Variants in TRAK2 observed in about 807,000 individuals in gnomAD.
TRAK2 encodes trafficking kinesin protein 2.
In TRAK2, 81 loss-of-function variants were observed where a neutral mutation model predicts 104.6. The observed-to-expected ratio is 0.77, with a 90% CI of 0.65 to 0.93. The LOEUF (loss-of-function observed/expected upper bound fraction) is 0.93, where lower values mean the gene tolerates loss of function less well. TRAK2 is among the 40% of genes least tolerant of loss of function. The pLI is 0.00. For synonymous variants in TRAK2, 406 were observed against 394.4 expected (o/e 1.03, Z -0.35); for missense variants, 1,002 against 1,089.0 (o/e 0.92, Z 1.12).
Position 201,399,418 on chromosome 2 carries a change from T to C in TRAK2, c.439A>G (p.Asn147Asp). The part of the protein sequence containing the change: ...LKRNHVLSEQ[N>D]ESLEEQLGQA... ...CCCAATTGCTCCTCCAGGGATTCGT[T>C]CTGCTCAGATAAGACATGGTTCCGC... Residue 147 changes from asparagine to aspartate, a missense_variant, in exon 5 of 16, where the codon AAC becomes GAC. Physicochemically the swap from Asn to Asp is conservative, Grantham distance 23. Transcript: ENST00000332624. The C allele has an allele frequency of 1.2e-6, 2 of 1,612,562 alleles. No individual in the cohort carries two copies. The highest frequency in any genetic ancestry group is 1.7e-6 in the Non-Finnish European group (2 of 1,178,860).
intron 2 of TRAK2, chr2:201,411,122 G>T: frequency 1.1e-6 from 1 of 890,336 alleles, no homozygotes; most frequent in Non-Finnish European, 1.8e-6. Flanking sequence ...AAGGTTTAGG[G>T]GTACTAACAG....
At chr2:201,411,155 A>G (rs1341766000) in intron 2 of TRAK2, 23 of 769,628 alleles carry the variant, frequency 3.0e-5, no homozygotes, top group Middle Eastern at 2.4e-4. Context: ...AAGATGACAT[A>G]TTATCCATCA....
At chr2:201,396,593 ATAAC>A (rs1389052838) in intron 7 of TRAK2, among the ~76,000 whole-genome samples, 2 of 152,164 alleles carry the variant, frequency 1.3e-5, no homozygotes, top group East Asian at 1.9e-4. Context: ...TAAGAGATTA[ATAAC>A]TAATAATAAA....
intron 12 of TRAK2, 185 bp from the exon 13 acceptor site, chr2:201,388,186 C>T (rs1319848764): frequency 9.3e-6 from 6 of 648,082 alleles, no homozygotes; most frequent in Non-Finnish European, 1.7e-5. Flanking sequence ...ATCATTTTTA[C>T]AGATCATTGC....
chr2:201,412,714 C>T (rs1951658850), intron 2 of TRAK2: 3 of 1,426,480 alleles, frequency 2.1e-6, no homozygotes, highest in East Asian at 4.6e-5. Context: ...TGATGATACA[C>T]AACAATCAAA....
chr2:201,388,151 A>C, intron 12 of TRAK2, 150 bp from the exon 13 acceptor site: 1 of 753,380 alleles, frequency 1.3e-6, no homozygotes, highest in Non-Finnish European at 2.3e-6. Flanking sequence ...ATAACAACAA[A>C]CCAAAATCAC....
rs1951729957 is a variant in TRAK2 at position 201,420,418 on chromosome 2, A to G, written c.90T>C (p.Thr30=). Residue 30 remains threonine (T), a splice_region_variant and synonymous_variant, in exon 2 of 16, where the codon ACT becomes ACC. Transcript: ENST00000332624. ...CAATATTTATTAAACTGGACTTACC[A>G]GTGATGCTCTCCGAGTCTCTGTGAT... is the stretch of plus-strand genomic sequence containing the variant. The part of the protein sequence containing the change: ...NSNHRDSESI[T]DVCSNEDLPE... 6.2e-7 allele frequency: 1 copy of G among 1,613,448 alleles called. No individual in the cohort carries two copies. Among genetic ancestry groups the G allele is most frequent in the Admixed American group, 1.7e-5 (1 of 60,012 alleles).
chr2:201,422,133 C>T (rs765405594), intron 1 of TRAK2, among the ~76,000 whole-genome samples: 7 of 150,346 alleles, frequency 4.7e-5, no homozygotes, highest in Non-Finnish European at 8.9e-5. Flanking sequence ...TTTAAATGCA[C>T]ACATGCTGTA....
intron 2 of TRAK2, chr2:201,410,597 C>A (rs1158500759): frequency 3.2e-6 from 4 of 1,262,012 alleles, no homozygotes; most frequent in Admixed American, 3.4e-5. Flanking sequence ...TTGGTCATAG[C>A]AGTTGGTGGC....
At chr2:201,428,649 C>A (rs930522804) in intron 1 of TRAK2, among the ~76,000 whole-genome samples, 1 of 152,190 alleles carries the variant, frequency 6.6e-6, no homozygotes, top group Non-Finnish European at 1.5e-5. Context: ...CTTGGCAATG[C>A]AGGCTCTTTT....
At position 201,380,824 on chromosome 2, in the gene TRAK2, G is replaced by A. The variant is rs781259113; in HGVS notation, c.2464C>T (p.Arg822Trp). Reference protein sequence around the residue: ...LQEMYGLRPSRNPPDVGQLKM... With the variant: ...LQEMYGLRPSWNPPDVGQLKM... ...AACTGGCCAACATCAGGAGGGTTCC[G>A]GGAGGGTCTCAAGCCATACATCTCC... Residue 822 changes from arginine to tryptophan, a missense_variant, in exon 16 of 16, where the codon CGG (arginine) becomes TGG (tryptophan). Physicochemically the swap from Arg to Trp is moderately radical, Grantham distance 101 (BLOSUM62 -3). Transcript: ENST00000332624. 1.2e-5 allele frequency: 20 copies of A among 1,613,926 alleles called. No homozygotes were observed. The highest frequency in any genetic ancestry group is 4.0e-5 in the African/African-American group (3 of 74,898).
At position 201,399,462 on chromosome 2, in the gene TRAK2, A is replaced by G; in HGVS notation, c.395T>C (p.Ile132Thr). The G allele has an allele frequency of 6.2e-7, 1 of 1,612,764 alleles. No homozygotes were observed. Among genetic ancestry groups the G allele is most frequent in the South Asian group, 1.1e-5 (1 of 90,954 alleles). The change falls in exon 5 of 16, where the codon ATT (isoleucine) becomes ACT (threonine). Residue 132 changes from isoleucine to threonine, a missense_variant. Physicochemically the swap from Ile to Thr is moderately conservative, Grantham distance 89. Coordinates refer to ENST00000332624, the MANE Select transcript of TRAK2 (RefSeq NM_015049.3). ...RDRDLELAAR[I>T]GQALLKRNHV... ...GTTCCGCTTTAAGAGAGCTTGTCCA[A>G]TTCGAGCAGCGAGTTCCAGATCACG...
chr2:201,408,076 A>G (rs1951612367), intron 2 of TRAK2, among the ~76,000 whole-genome samples: 1 of 152,150 alleles, frequency 6.6e-6, no homozygotes. Flanking sequence ...GCTTAAGAAC[A>G]CCAGAACTTA....
At chr2:201,400,582 A>T (rs1028068762) in intron 4 of TRAK2, among the ~76,000 whole-genome samples, 1 of 152,040 alleles carries the variant, frequency 6.6e-6, no homozygotes, top group African/African-American at 2.4e-5. Context: ...CACTATACAT[A>T]TTAAAAATGC....
At chr2:201,416,367 C>T (rs1278310635) in intron 2 of TRAK2, among the ~76,000 whole-genome samples, 3 of 151,916 alleles carry the variant, frequency 2.0e-5, no homozygotes, top group Admixed American at 2.0e-4. Flanking sequence ...GATCGTGTCA[C>T]TGTACTCCAG....
Position 201,389,372 on chromosome 2 carries a change from A to T in TRAK2, c.1325T>A (p.Phe442Tyr), listed in dbSNP as rs762517933. 1 of 1,614,116 alleles carries T rather than the reference A, an allele frequency of 6.2e-7. No individual in the cohort carries two copies. The highest frequency in any genetic ancestry group is 2.2e-5 in the East Asian group (1 of 44,872). Residue 442 changes from phenylalanine to tyrosine, a missense_variant, in exon 12 of 16, where the codon TTT (phenylalanine) becomes TAT (tyrosine). Coordinates refer to ENST00000332624, the MANE Select transcript of TRAK2 (RefSeq NM_015049.3). ...RSSVIMTAKP[F>Y]ESGLQQTEDK... ...CTCTGTTTGCTGAAGACCAGACTCAAAAGGTTTTGCTGTCATGATGACACT... is the reference window on the plus strand; with the variant it reads ...CTCTGTTTGCTGAAGACCAGACTCATAAGGTTTTGCTGTCATGATGACACT...
rs1392358195 is a variant in TRAK2 at position 201,411,296 on chromosome 2, T to G, written c.92-3699A>C. The G allele has an allele frequency of 6.7e-6, 5 of 750,312 alleles. No individual in the cohort carries two copies. In the East Asian group the frequency reaches 1.2e-4, roughly 18 times the overall value. 46.5% of individuals were successfully genotyped at this position (750,312 alleles called of 1,614,324 possible). Reference sequence around the variant, plus strand: ...TTGCTAATTTTTGTTTTTCTTCAAGTGTAAGTGATGCTCTTTTATGTTTAT... The same window carrying G: ...TTGCTAATTTTTGTTTTTCTTCAAGGGTAAGTGATGCTCTTTTATGTTTAT... On this transcript the variant is annotated intron_variant, in intron 2 of 15. Transcript: ENST00000332624.
chr2:201,379,419 T>C lies in TRAK2; in HGVS notation c.*1124A>G, dbSNP rs1384697384. Reference sequence around the variant, plus strand: ...AGATGTGTTTTATTTTATTTTACATTAGGAAGAAAAAACCACAATCTCAAA... The same window carrying C: ...AGATGTGTTTTATTTTATTTTACATCAGGAAGAAAAAACCACAATCTCAAA... On this transcript the variant is annotated 3_prime_UTR_variant, in exon 16 of 16. Coordinates refer to ENST00000332624, the MANE Select transcript of TRAK2 (RefSeq NM_015049.3). The C allele has an allele frequency of 2.0e-5, 3 of 152,618 alleles. No homozygotes were observed. Among genetic ancestry groups the C allele is most frequent in the African/African-American group, 7.2e-5 (3 of 41,454 alleles). 9.5% of individuals were successfully genotyped at this position (152,618 alleles called of 1,614,324 possible).
At chr2:201,413,660 T>C (rs1951668002) in intron 2 of TRAK2, among the ~76,000 whole-genome samples, 1 of 152,004 alleles carries the variant, frequency 6.6e-6, no homozygotes, top group South Asian at 2.1e-4. Context: ...TCCTGCCTCC[T>C]AGATAAGGAA....
Sources: gnomAD v4.1 joint callset for allele counts (sites outside exome capture counted in the v4.1 genomes callset) on GRCh38, gnomAD v4.1.1 for gene constraint, MANE v1.5 for transcripts, NCBI Gene and HGNC (gene_info 2026-07-23, HGNC 2026-07-21) for gene names.